LSM14A: variants seen among roughly 807,000 people sequenced by gnomAD.
LSM14A encodes the protein LSM14A mRNA processing body assembly factor, also known as protein LSM14 homolog A.
A neutral mutation model predicts 52.4 loss-of-function variants in LSM14A; 14 were observed. The ratio of observed to expected loss-of-function variants is 0.27; its 90% CI spans 0.18 to 0.42. The LOEUF is 0.42. LSM14A is among the 10% of genes least tolerant of loss of function. The pLI, the probability that LSM14A is intolerant of heterozygous loss-of-function variation, is 1.00. For missense variants in LSM14A, 417 were observed against 581.8 expected (o/e 0.72, Z 2.91); for synonymous variants, 185 against 200.3 (o/e 0.92, Z 0.64).
intron 1 of LSM14A, among the ~76,000 whole-genome samples, chr19:34,190,617 C>G (rs926171862): frequency 2.7e-5 from 4 of 150,720 alleles, no homozygotes; most frequent in Admixed American, 2.0e-4. Context: ...CTACTACTGT[C>G]TGTTGAGTTT....
intron 8 of LSM14A, 48 bp from the exon 9 acceptor site, chr19:34,221,459 A>C (rs758384601): frequency 6.4e-7 from 1 of 1,569,816 alleles, no homozygotes; most frequent in Admixed American, 1.8e-5. Flanking sequence ...TGGCTGAGGG[A>C]TATTCTTTTA....
In LSM14A at chr19:34,200,951, TA is replaced by T. The variant is rs980082941; in HGVS notation, c.415+4190del. Among the ~76,000 whole-genome samples, 56 of 152,234 alleles carry T rather than the reference TA, an allele frequency of 3.7e-4. 1 individual carries two copies. Among genetic ancestry groups the T allele is most frequent in the African/African-American group, 1.3e-3 (54 of 41,468 alleles). On this transcript the variant is annotated intron_variant, in intron 3 of 9. Coordinates refer to ENST00000544216, the MANE Select transcript of LSM14A (RefSeq NM_015578.4). ...TATGTTACCATGAAGTTTATGTAAC[TA>T]ATTATGTTAAAAAATTTGAACAGGA...
chr19:34,194,755 A>T (rs2070719979), intron 2 of LSM14A, 114 bp downstream of exon 2: 2 of 923,490 alleles, frequency 2.2e-6, no homozygotes, highest in African/African-American at 1.7e-5. Flanking sequence ...AGTTACTGGG[A>T]TACCTGAAAT....
chr19:34,178,067 A>G (rs568429422), intron 1 of LSM14A, among the ~76,000 whole-genome samples: 1 of 152,112 alleles, frequency 6.6e-6, no homozygotes, highest in East Asian at 1.9e-4. Context: ...AGGCTGAGGC[A>G]GGAGAATTGC....
At chr19:34,222,517 G>T (rs1053712570) in intron 9 of LSM14A, among the ~76,000 whole-genome samples, 1 of 152,146 alleles carries the variant, frequency 6.6e-6, no homozygotes, top group Non-Finnish European at 1.5e-5. Context: ...GAGAGGAAGG[G>T]CTATAACAGA....
chr19:34,197,726 C>A (rs2070969359), intron 3 of LSM14A, among the ~76,000 whole-genome samples: 1 of 152,086 alleles, frequency 6.6e-6, no homozygotes, highest in Admixed American at 6.5e-5. Context: ...CAGGCGTGAG[C>A]CACCAAGCCC....
chr19:34,204,912 G>A (rs2071569151), intron 3 of LSM14A, among the ~76,000 whole-genome samples: 5 of 151,338 alleles, frequency 3.3e-5, no homozygotes, highest in East Asian at 2.0e-4. Flanking sequence ...TGGGCAGATC[G>A]CTTGAGGTCA....
intron 3 of LSM14A, among the ~76,000 whole-genome samples, chr19:34,205,468 A>G (rs982547758): frequency 1.5e-5 from 2 of 136,114 alleles, no homozygotes; most frequent in Admixed American, 8.1e-5. Flanking sequence ...CGTGGGCGAC[A>G]GAACAAGACT....
At chr19:34,182,905 T>C (rs2069598401) in intron 1 of LSM14A, among the ~76,000 whole-genome samples, 1 of 151,760 alleles carries the variant, frequency 6.6e-6, no homozygotes, top group Admixed American at 6.6e-5. Flanking sequence ...TCTCTACCTC[T>C]GACACGCCCT....
At chr19:34,192,986 A>G (rs768386098) in intron 1 of LSM14A, among the ~76,000 whole-genome samples, 10 of 152,230 alleles carry the variant, frequency 6.6e-5, no homozygotes, top group South Asian at 2.1e-4. Context: ...CTCAAAAAAA[A>G]AGAAAAAAAA....
At chr19:34,188,808 TATTTC>T (rs1195350335) in intron 1 of LSM14A, among the ~76,000 whole-genome samples, 1 of 151,716 alleles carries the variant, frequency 6.6e-6, no homozygotes, top group African/African-American at 2.4e-5. Context: ...GGCTGAATAA[TATTTC>T]ATTACATGTA....
intron 8 of LSM14A, among the ~76,000 whole-genome samples, 183 bp downstream of exon 8, chr19:34,220,060 C>G (rs1370850347): frequency 6.6e-6 from 1 of 152,140 alleles, no homozygotes; most frequent in African/African-American, 2.4e-5. Context: ...GTCTCAAGCT[C>G]CTGACCTCAA....
intron 9 of LSM14A, 90 bp downstream of exon 9, chr19:34,221,828 G>A (rs1450849693): frequency 1.3e-6 from 2 of 1,486,686 alleles, no homozygotes; most frequent in East Asian, 4.9e-5. Flanking sequence ...TGGGTGAATT[G>A]TTTTGAGGAC....
At position 34,185,830 on chromosome 19, in the gene LSM14A, C is replaced by T. The variant is rs186514643; in HGVS notation, c.122-8648C>T. Among the ~76,000 whole-genome samples the T allele has an allele frequency of 9.8e-5, 15 of 152,304 alleles. No homozygotes were observed. The East Asian group carries it at 2.9e-3, about 29-fold the overall frequency. On this transcript the variant is annotated intron_variant, in intron 1 of 9. Coordinates refer to ENST00000544216, the MANE Select transcript of LSM14A (RefSeq NM_015578.4). ...GTCAGAAAGAGAAGAAAAATACTAA[C>T]TGTAACTTTTTGGTTTCCTGGTTTG...
In LSM14A at chr19:34,194,620, T is replaced by C; in HGVS notation, c.264T>C (p.Pro88=). 6.2e-7 allele frequency: 1 copy of C among 1,614,192 alleles called. No homozygotes were observed. Among genetic ancestry groups the C allele is most frequent in the East Asian group, 2.2e-5 (1 of 44,878 alleles). Residue 88 remains proline (P), a synonymous_variant, in exon 2 of 10, where the codon CCT becomes CCC. Transcript: ENST00000544216. ...CEPPKPQCSL[P]QDPAIVQSSL... is the part of the protein sequence containing the mutation. The stretch of plus-strand genomic sequence containing the variant: ...CACCAAAACCACAGTGTTCTTTGCC[T>C]CAAGACCCAGCTATTGTTCAGGTAA...
Position 34,172,541 on chromosome 19 carries a change from G to T in LSM14A, c.-102G>T. 7.5e-7 allele frequency: 1 copy of T among 1,337,714 alleles called. No homozygotes were observed. The highest frequency in any genetic ancestry group is 3.1e-5 in the East Asian group (1 of 31,940). 82.9% of individuals were successfully genotyped at this position (1,337,714 alleles called of 1,614,324 possible). On this transcript the variant is annotated 5_prime_UTR_variant, in exon 1 of 10. Transcript: ENST00000544216. ...GCCGCCGCCATGTTGGGTCTGAAGCGGCTGCTGTAGGCGCCGACGGAGCGA... is the reference window on the plus strand; with the variant it reads ...GCCGCCGCCATGTTGGGTCTGAAGCTGCTGCTGTAGGCGCCGACGGAGCGA...
rs140428581 is a variant in LSM14A, at chr19:34,223,662, C to T, written c.1368+1924C>T. Among the ~76,000 whole-genome samples the T allele has an allele frequency of 1.5e-4, 23 of 152,330 alleles. No homozygotes were observed. In the East Asian group the frequency reaches 3.7e-3, roughly 24 times the overall value. On this transcript the variant is annotated intron_variant, in intron 9 of 9. Transcript: ENST00000544216. ...ACCCACCAGTTGGGCTTCAGACCTT[C>T]GTCTCTCTTTACCCCACTTTAAGGC...
At chr19:34,192,712 C>T (rs978299332) in intron 1 of LSM14A, among the ~76,000 whole-genome samples, 7 of 149,034 alleles carry the variant, frequency 4.7e-5, no homozygotes, top group Non-Finnish European at 8.9e-5. Flanking sequence ...CGGTAGCTCA[C>T]GCCTGTGATG....
chr19:34,213,657 A>T (rs2072334902), intron 4 of LSM14A, among the ~76,000 whole-genome samples: 1 of 152,230 alleles, frequency 6.6e-6, no homozygotes, highest in Admixed American at 6.5e-5. Flanking sequence ...AGCAAACATT[A>T]TCAGGACAGA....
Sources: allele counts gnomAD v4.1 joint callset (sites outside exome capture counted in the v4.1 genomes callset), GRCh38; gene constraint gnomAD v4.1.1; transcripts MANE v1.5; gene names NCBI Gene and HGNC (gene_info 2026-07-23, HGNC 2026-07-21).